SEMA6D: variants seen among roughly 807,000 people sequenced by gnomAD.
SEMA6D encodes the protein semaphorin-6D.
Under a neutral mutation model 106.6 loss-of-function variants are expected in SEMA6D, and 35 were observed. The observed-to-expected ratio is 0.33, with a 90% CI of 0.25 to 0.44. The LOEUF is 0.44. Ranked by LOEUF, SEMA6D falls within the 20% of genes least tolerant of loss-of-function variation. The pLI, the probability that SEMA6D is intolerant of heterozygous loss-of-function variation, is 1.00. For synonymous variants in SEMA6D, 499 were observed against 487.7 expected (o/e 1.02, Z -0.31); for missense variants, 1,185 against 1,345.9 (o/e 0.88, Z 1.87).
In SEMA6D at chr15:47,565,549, T is replaced by C. The variant is rs117629090; in HGVS notation, c.-86-35316T>C. The stretch of plus-strand genomic sequence containing the variant: ...CAATACTATTGAGAATGTTTTGAAA[T>C]GTATGATACATGCACTCTGTTGACT... On this transcript the variant is annotated intron_variant, in intron 3 of 19. Transcript: ENST00000558014. Among the ~76,000 whole-genome samples the C allele has an allele frequency of 9.8e-3, 1,493 of 152,316 alleles. 10 individuals carry two copies. The highest frequency in any genetic ancestry group is 0.021 in the Admixed American group (319 of 15,298).
intron 1 of SEMA6D, among the ~76,000 whole-genome samples, chr15:47,314,913 G>T (rs1242282728): frequency 2.4e-5 from 3 of 123,118 alleles, no homozygotes; most frequent in South Asian, 2.8e-4. Flanking sequence ...TGGCCCAGGC[G>T]AGAGTGCAGT....
Position 47,770,767 on chromosome 15 carries a change from C to T in SEMA6D, c.2204C>T (p.Pro735Leu). ...GAATACCAACAGAATATTGATTCTCCTAAACTGTATAGTAACCTGCTAACC... is the reference window on the plus strand; with the variant it reads ...GAATACCAACAGAATATTGATTCTCTTAAACTGTATAGTAACCTGCTAACC... ...VKEYQQNIDS[P>L]KLYSNLLTSR... Residue 735 changes from proline (P) to leucine (L), a missense_variant, in exon 19 of 19, where the codon CCT becomes CTT. By Grantham distance (98) the Pro-to-Leu change is moderately conservative (BLOSUM62 -3). This residue lies in a region of SEMA6D where 750 missense variants were observed against 783.5 expected (regional missense o/e 0.96). Coordinates refer to ENST00000536845, the MANE Select transcript of SEMA6D (RefSeq NM_001358351.3). 6.2e-7 allele frequency: 1 copy of T among 1,614,094 alleles called. No homozygotes were observed. The highest frequency in any genetic ancestry group is 8.5e-7 in the Non-Finnish European group (1 of 1,180,008).
intron 1 of SEMA6D, among the ~76,000 whole-genome samples, chr15:47,754,547 ATCTTAGTGTG>A (rs376938023): frequency 1.1e-4 from 16 of 152,278 alleles, no homozygotes; most frequent in African/African-American, 3.8e-4. Context: ...AAGGTAATGT[ATCTTAGTGTG>A]TAATATTTTT....
At chr15:47,678,471 G>A (rs2078288074) in intron 4 of SEMA6D, among the ~76,000 whole-genome samples, 1 of 152,138 alleles carries the variant, frequency 6.6e-6, no homozygotes, top group East Asian at 1.9e-4. Context: ...ATGCTGTCCA[G>A]GTTATTTTGT....
At chr15:47,319,489 A>G (rs1477334867) in intron 1 of SEMA6D, among the ~76,000 whole-genome samples, 2 of 152,024 alleles carry the variant, frequency 1.3e-5, no homozygotes, top group Admixed American at 6.5e-5. Context: ...TAATGAATAC[A>G]TTGGTCTCTA....
At chr15:47,249,895 A>G (rs114997300) in intron 1 of SEMA6D, among the ~76,000 whole-genome samples, 116 of 152,294 alleles carry the variant, frequency 7.6e-4, no homozygotes, top group African/African-American at 2.7e-3. Context: ...ACATCTTGGG[A>G]CTATCAAACA....
intron 2 of SEMA6D, among the ~76,000 whole-genome samples, chr15:47,422,689 A>G (rs1426292753): frequency 6.6e-6 from 1 of 152,034 alleles, no homozygotes. Context: ...CAGATGTTGG[A>G]TGTACTTTTT....
chr15:47,374,040 C>G (rs1304910598), intron 1 of SEMA6D, among the ~76,000 whole-genome samples: 2 of 152,166 alleles, frequency 1.3e-5, no homozygotes, highest in Admixed American at 6.5e-5. Flanking sequence ...CAGAAAGCAA[C>G]TGTATTTTGG....
At chr15:47,606,239 C>G (rs2076779450) in intron 4 of SEMA6D, 2 of 152,264 alleles carry the variant, frequency 1.3e-5, no homozygotes, top group African/African-American at 4.8e-5. Flanking sequence ...CCCCTTCCCC[C>G]TTGGAGACCA....
At position 47,304,433 on chromosome 15, in the gene SEMA6D, TAAAAAAAAA is replaced by T. The variant is rs56185341; in HGVS notation, c.-238-107932_-238-107924del. 1.7e-4 allele frequency among the ~76,000 whole-genome samples: 16 copies of T among 93,838 alleles called. No homozygotes were observed. In the East Asian group the frequency reaches 2.5e-3, roughly 15 times the overall value. 61.6% of individuals were successfully genotyped at this position (93,838 alleles called of 152,430 possible). On this transcript the variant is annotated intron_variant, in intron 1 of 19. Transcript: ENST00000558014. ...TGCACTCCAGCCTGAGCCTTCTAAC[TAAAAAAAAA>T]AAAAAAAAAAAAAAAAAAAAAAAAA...
intron 3 of SEMA6D, among the ~76,000 whole-genome samples, chr15:47,582,741 A>G (rs2076276044): frequency 6.6e-6 from 1 of 152,140 alleles, no homozygotes; most frequent in Non-Finnish European, 1.5e-5. Flanking sequence ...GCTTCAAAGC[A>G]TGTCTTCCCA....
intron 1 of SEMA6D, among the ~76,000 whole-genome samples, chr15:47,348,719 C>G (rs200794412): frequency 0.068 from 1,265 of 18,674 alleles, 32 homozygotes; most frequent in South Asian, 0.28. Context: ...ACACACACAC[C>G]ACACACACAG....
In SEMA6D at chr15:47,766,952, T is replaced by A. The variant is rs1008879400; in HGVS notation, c.1709-85T>A. ...TTTAATTTATAGTCTTTTTTTTTTT[T>A]ACTTTTTTAGTTAATTGGAATTCAT... On this transcript the variant is annotated intron_variant, in intron 16 of 18. Transcript: ENST00000536845. 61 of 732,050 alleles carry A rather than the reference T, an allele frequency of 8.3e-5. No individual in the cohort carries two copies. In the African/African-American group the frequency reaches 1.1e-3, roughly 13 times the overall value. The allele number at this position is 732,050 out of a possible 1,614,324, so 45.3% of individuals were successfully genotyped here.
rs984321280 is a variant in SEMA6D, at chr15:47,651,190, G to A, written c.-55+50294G>A. The stretch of plus-strand genomic sequence containing the variant: ...TTTGGGAGGCTGAGGCATGGGAGTC[G>A]CTTGAGGCCAGGAATATGAGACCAG... On this transcript the variant is annotated intron_variant, in intron 4 of 19. Coordinates refer to the SEMA6D transcript ENST00000558014. Among the ~76,000 whole-genome samples the A allele has an allele frequency of 2.6e-5, 4 of 152,028 alleles. No homozygotes were observed. The East Asian group carries it at 5.8e-4, about 22-fold the overall frequency.
In SEMA6D at chr15:47,770,630, G is replaced by C. The variant is rs1277511987; in HGVS notation, c.2067G>C (p.Met689Ile). The C allele has an allele frequency of 2.5e-6, 4 of 1,614,034 alleles. No individual in the cohort carries two copies. Among genetic ancestry groups the C allele is most frequent in the Non-Finnish European group, 2.5e-6 (3 of 1,179,972 alleles). Residue 689 changes from methionine (M) to isoleucine (I), a missense_variant, in exon 19 of 19, where the codon ATG becomes ATC. Coordinates refer to ENST00000536845, the MANE Select transcript of SEMA6D (RefSeq NM_001358351.3). ...AGVAVYCYRD[M>I]FVRKNRKIHK... ...TGGCAGTATACTGCTATCGAGACAT[G>C]TTTGTTCGGAAAAACAGAAAGATCC...
intron 3 of SEMA6D, among the ~76,000 whole-genome samples, chr15:47,550,590 C>A (rs1252901587): frequency 6.6e-6 from 1 of 152,096 alleles, no homozygotes; most frequent in Non-Finnish European, 1.5e-5. Context: ...CATGGCTGAT[C>A]CCGCCATGTT....
chr15:47,640,400 T>C (rs1365967343), intron 4 of SEMA6D, among the ~76,000 whole-genome samples: 1 of 152,196 alleles, frequency 6.6e-6, no homozygotes, highest in Non-Finnish European at 1.5e-5. Flanking sequence ...TTGCTTGCTG[T>C]GTTTTCTAGA....
chr15:47,445,073 CCAG>C (rs1567084244), intron 2 of SEMA6D, among the ~76,000 whole-genome samples: 7 of 152,064 alleles, frequency 4.6e-5, no homozygotes, highest in African/African-American at 1.7e-4. Context: ...CCAATCATCC[CCAG>C]CCAAACTCCT....
At chr15:47,398,967 C>T (rs919655746) in intron 1 of SEMA6D, among the ~76,000 whole-genome samples, 4 of 152,216 alleles carry the variant, frequency 2.6e-5, no homozygotes, top group Non-Finnish European at 2.9e-5. Flanking sequence ...TAAAAAAGGC[C>T]GTCAGAATAC....
Sources: allele counts gnomAD v4.1 joint callset (sites outside exome capture counted in the v4.1 genomes callset), GRCh38; gene constraint gnomAD v4.1.1; regional missense constraint gnomAD v4.1.1; transcripts MANE v1.5; gene names NCBI Gene and HGNC (gene_info 2026-07-23, HGNC 2026-07-21).